SLIT2: variants seen among roughly 807,000 people sequenced by gnomAD.
The protein encoded by SLIT2 is slit guidance ligand 2.
A neutral mutation model predicts 185.7 loss-of-function variants in SLIT2; 41 were observed. The ratio of observed to expected loss-of-function variants is 0.22; its 90% CI spans 0.17 to 0.29. The LOEUF (loss-of-function observed/expected upper bound fraction) is 0.29, where lower values mean the gene tolerates loss of function less well. Among genes scored for constraint, SLIT2 ranks in the 10% least tolerant of loss-of-function variants. SLIT2 has a pLI of 1.00. For synonymous variants in SLIT2, 693 were observed against 680.2 expected, an observed-to-expected ratio of 1.02 and a Z score of -0.29; for missense variants, 1,571 against 1,909.0, an observed-to-expected ratio of 0.82 and a Z score of 3.30.
At chr4:20,569,185 G>A (rs1017722050) in intron 29 of SLIT2, 181 bp downstream of exon 29, 10 of 593,464 alleles carry the variant, frequency 1.7e-5, no homozygotes, top group African/African-American at 1.7e-4. Context: ...CCAAATAAAA[G>A]ACCCAGGAAT....
intron 4 of SLIT2, among the ~76,000 whole-genome samples, chr4:20,409,223 A>T (rs536931827): frequency 1.3e-5 from 2 of 151,986 alleles, no homozygotes; most frequent in East Asian, 3.9e-4. Context: ...CCTTCCTCTC[A>T]CTTCTCGCCC....
At chr4:20,432,949 AT>A (rs1247631911) in intron 4 of SLIT2, among the ~76,000 whole-genome samples, 10 of 152,182 alleles carry the variant, frequency 6.6e-5, no homozygotes, top group Non-Finnish European at 1.5e-4. Context: ...CACAAAGATG[AT>A]ATTTTTTTCC....
At position 20,407,582 on chromosome 4, in the gene SLIT2, A is replaced by C. The variant is rs149345254; in HGVS notation, c.396-60170A>C. Among the ~76,000 whole-genome samples the C allele has an allele frequency of 2.1e-3, 315 of 152,280 alleles. 1 individual carries two copies. Among genetic ancestry groups the C allele is most frequent in the African/African-American group, 7.1e-3 (297 of 41,570 alleles). ...AGGAACTTGACTTTGGAGTCTCAGT[A>C]GCTTAGTCCCAAACAAGCCAGCACA... On this transcript the variant is annotated intron_variant, in intron 4 of 36. Coordinates refer to ENST00000504154, the MANE Select transcript of SLIT2 (RefSeq NM_004787.4).
At chr4:20,481,164 A>G (rs1342891486) in intron 6 of SLIT2, among the ~76,000 whole-genome samples, 1 of 152,130 alleles carries the variant, frequency 6.6e-6, no homozygotes, top group African/African-American at 2.4e-5. Flanking sequence ...ATGGAAACAC[A>G]GTTTCTCATT....
In SLIT2 at chr4:20,252,727, C is replaced by T. The variant is rs1477491634; in HGVS notation, c.-1089C>T. On this transcript the variant is annotated 5_prime_UTR_variant, in exon 1 of 37. Coordinates refer to ENST00000504154, the MANE Select transcript of SLIT2 (RefSeq NM_004787.4). ...GCACACACTACTGCCATTCAGCTGC[C>T]GCCTGGCTCTGCCTGGAGTAGTGGA... is the stretch of plus-strand genomic sequence containing the variant. Among the ~76,000 whole-genome samples the T allele has an allele frequency of 6.6e-6, 1 of 152,220 alleles. No individual in the cohort carries two copies. Among genetic ancestry groups the T allele is most frequent in the African/African-American group, 2.4e-5 (1 of 41,460 alleles).
At position 20,254,806 on chromosome 4, in the gene SLIT2, C is replaced by G; in HGVS notation, c.179+812C>G. 1 of 410,358 alleles carries G rather than the reference C, an allele frequency of 2.4e-6. No homozygotes were observed. 25.4% of individuals were successfully genotyped at this position (410,358 alleles called of 1,614,324 possible). ...CCCCCTCCGGCCCTTCCTGCTGAAC[C>G]CCTGCGTCCCCATCCACCTTTCTGG... On this transcript the variant is annotated intron_variant, in intron 1 of 36. Coordinates refer to ENST00000504154, the MANE Select transcript of SLIT2 (RefSeq NM_004787.4). The surrounding 1 kb of genome is among the most constrained non-coding windows in gnomAD (Gnocchi z 5.1).
intron 4 of SLIT2, among the ~76,000 whole-genome samples, chr4:20,428,860 C>G (rs1380953916): frequency 1.3e-5 from 2 of 152,228 alleles, no homozygotes; most frequent in African/African-American, 2.4e-5. Context: ...ATCTGTCCTG[C>G]TCCCCACTTG....
intron 6 of SLIT2, 49 bp from the exon 7 acceptor site, chr4:20,486,151 C>G: frequency 9.1e-7 from 1 of 1,103,762 alleles, no homozygotes; most frequent in Non-Finnish European, 1.4e-6. Flanking sequence ...ATAAAATGAT[C>G]AATCAATTTT....
intron 4 of SLIT2, among the ~76,000 whole-genome samples, chr4:20,278,099 A>G (rs1437436272): frequency 2.0e-5 from 3 of 152,116 alleles, no homozygotes; most frequent in Admixed American, 1.3e-4. Flanking sequence ...CTTAAAAAAA[A>G]TTTACCAGTT....
chr4:20,371,536 A>G (rs776850291), intron 4 of SLIT2, among the ~76,000 whole-genome samples: 1 of 152,050 alleles, frequency 6.6e-6, no homozygotes, highest in Non-Finnish European at 1.5e-5. Flanking sequence ...CTCCACTCCC[A>G]TCTTTTCTTC....
chr4:20,311,886 G>A (rs774281131), intron 4 of SLIT2, among the ~76,000 whole-genome samples: 3 of 152,066 alleles, frequency 2.0e-5, no homozygotes, highest in East Asian at 1.9e-4. Flanking sequence ...TTCTATTTCC[G>A]TGAGCATTTT....
intron 25 of SLIT2, among the ~76,000 whole-genome samples, 160 bp downstream of exon 25, chr4:20,551,058 C>T (rs533958409): frequency 2.0e-5 from 3 of 152,316 alleles, no homozygotes; most frequent in African/African-American, 7.2e-5. Flanking sequence ...ATGATGCCTT[C>T]TGCAAGATGG....
intron 34 of SLIT2, chr4:20,615,182 A>G (rs1449724856): frequency 1.3e-5 from 2 of 152,240 alleles, no homozygotes; most frequent in African/African-American, 4.8e-5. Context: ...ATATGGTTAA[A>G]TTAGAAAAAC....
At chr4:20,458,779 G>T (rs1051473513) in intron 4 of SLIT2, among the ~76,000 whole-genome samples, 4 of 152,150 alleles carry the variant, frequency 2.6e-5, no homozygotes, top group Non-Finnish European at 5.9e-5. Flanking sequence ...ATGGCCACAG[G>T]TAAATAATGT....
chr4:20,553,130 C>T (rs903240748), intron 25 of SLIT2, among the ~76,000 whole-genome samples: 1 of 152,162 alleles, frequency 6.6e-6, no homozygotes, highest in Non-Finnish European at 1.5e-5. Flanking sequence ...TGAGCTAGCT[C>T]TAGACATCTT....
At chr4:20,530,702 A>T (rs1232326406) in intron 16 of SLIT2, among the ~76,000 whole-genome samples, 1 of 152,142 alleles carries the variant, frequency 6.6e-6, no homozygotes, top group Non-Finnish European at 1.5e-5. Flanking sequence ...TATATAATAA[A>T]ATCAGTACTG....
At chr4:20,395,140 A>G (rs1725782161) in intron 4 of SLIT2, among the ~76,000 whole-genome samples, 1 of 152,058 alleles carries the variant, frequency 6.6e-6, no homozygotes, top group African/African-American at 2.4e-5. Context: ...TTTTAATTAC[A>G]TAATTATGAT....
At chr4:20,507,803 T>G (rs1346364262) in intron 9 of SLIT2, among the ~76,000 whole-genome samples, 2 of 151,874 alleles carry the variant, frequency 1.3e-5, no homozygotes, top group African/African-American at 2.4e-5. Context: ...TAATTTTTTC[T>G]CATCATAGCA....
Position 20,556,220 on chromosome 4 carries a change from G to A in SLIT2, c.2725+2252G>A, listed in dbSNP as rs189695962. Among the ~76,000 whole-genome samples, 180 of 151,888 alleles carry A rather than the reference G, an allele frequency of 1.2e-3. 1 individual carries two copies. The East Asian group carries it at 0.02, about 17-fold the overall frequency. ...TGATAAGTTTCTGGTGGGCTGAGAA[G>A]TATATCATTATTTTGTAAAGTGAGA... On this transcript the variant is annotated intron_variant, in intron 26 of 36. Transcript: ENST00000504154.
Sources: gnomAD v4.1 joint callset for allele counts (sites outside exome capture counted in the v4.1 genomes callset) on GRCh38, gnomAD v4.1.1 for gene constraint, Gnocchi (gnomAD v3.1) non-coding constraint, MANE v1.5 for transcripts, NCBI Gene and HGNC (gene_info 2026-07-23, HGNC 2026-07-21) for gene names.